Variants in SV2C observed in about 807,000 individuals in gnomAD.
SV2C encodes solute carrier family 22 member B3.
SV2C carries 49 observed loss-of-function variants against 79.7 expected under a neutral mutation model. That is an observed-to-expected ratio of 0.61 (90% CI 0.49 to 0.78). The LOEUF is 0.78. SV2C is among the 30% of genes least tolerant of loss of function. SV2C has a pLI of 0.00. For missense variants in SV2C, 833 were observed against 912.9 expected, an observed-to-expected ratio of 0.91 and a Z score of 1.13; for synonymous variants, 334 against 333.2, an observed-to-expected ratio of 1.00 and a Z score of -0.03.
intron 9 of SV2C, among the ~76,000 whole-genome samples, chr5:76,297,391 T>C (rs1459696004): frequency 2.6e-5 from 4 of 152,188 alleles, no homozygotes; most frequent in African/African-American, 9.7e-5. Context: ...ACAATGGTTA[T>C]TCTGGGCAGA....
the SV2C span, among the ~76,000 whole-genome samples, chr5:76,032,336 C>T: frequency 2.6e-5 from 4 of 151,930 alleles, no homozygotes; most frequent in African/African-American, 7.3e-5. Context: ...CATGCTGGTG[C>T]GCTGCACCCA....
chr5:75,992,600 G>A, the SV2C span, among the ~76,000 whole-genome samples: 1 of 151,934 alleles, frequency 6.6e-6, no homozygotes, highest in Non-Finnish European at 1.5e-5. Context: ...TCAATGATTG[G>A]TCATTGCACA....
intron 12 of SV2C, among the ~76,000 whole-genome samples, chr5:76,339,459 A>T (rs1487534952): frequency 6.6e-6 from 1 of 152,190 alleles, no homozygotes; most frequent in East Asian, 1.9e-4. Context: ...TCACGCCTAT[A>T]ATCCCAGCAC....
intron 12 of SV2C, among the ~76,000 whole-genome samples, chr5:76,342,157 A>G (rs1338879829): frequency 6.6e-6 from 1 of 152,166 alleles, no homozygotes; most frequent in East Asian, 1.9e-4. Flanking sequence ...GTGGTCATGC[A>G]TATACGGGGA....
intron 1 of SV2C, among the ~76,000 whole-genome samples, chr5:76,103,243 C>A (rs2112122725): frequency 6.6e-6 from 1 of 152,140 alleles, no homozygotes; most frequent in East Asian, 1.9e-4. Flanking sequence ...AAATGCAAAG[C>A]AGGGAGAGAG....
intron 4 of SV2C, among the ~76,000 whole-genome samples, chr5:76,246,779 C>T (rs1034597911): frequency 6.6e-6 from 1 of 152,190 alleles, no homozygotes; most frequent in Non-Finnish European, 1.5e-5. Flanking sequence ...TCAGTGTCCC[C>T]ACCTCTGTCA....
At chr5:76,132,505 C>T (rs1748936264) in intron 2 of SV2C, among the ~76,000 whole-genome samples, 175 bp downstream of exon 2, 1 of 152,128 alleles carries the variant, frequency 6.6e-6, no homozygotes, top group Admixed American at 6.5e-5. Flanking sequence ...CAGTGAACAC[C>T]TGTGTATACC....
At chr5:75,959,567 C>T in the SV2C span, among the ~76,000 whole-genome samples, 21 of 151,996 alleles carry the variant, frequency 1.4e-4, no homozygotes, top group Admixed American at 1.4e-3. Context: ...AACACATGCA[C>T]ATGTGTGCAC....
the SV2C span, among the ~76,000 whole-genome samples, chr5:75,942,441 C>T: frequency 6.6e-6 from 1 of 152,154 alleles, no homozygotes. Flanking sequence ...CATGTTAGAC[C>T]ATGAGACAGA....
intron 9 of SV2C, among the ~76,000 whole-genome samples, chr5:76,298,030 A>C (rs920923017): frequency 4.6e-5 from 7 of 152,144 alleles, no homozygotes; most frequent in African/African-American, 1.7e-4. Context: ...GACTCTTCTA[A>C]GATGTTATTA....
chr5:75,974,867 A>G, the SV2C span, among the ~76,000 whole-genome samples: 3 of 152,156 alleles, frequency 2.0e-5, no homozygotes, highest in African/African-American at 7.2e-5. Flanking sequence ...CCTCTGAGGT[A>G]TATGCTATGA....
intron 4 of SV2C, among the ~76,000 whole-genome samples, chr5:76,210,907 A>G (rs1486329512): frequency 1.3e-5 from 2 of 152,186 alleles, no homozygotes; most frequent in Admixed American, 6.5e-5. Context: ...ATAGTGTACT[A>G]TTGCATTTTA....
intron 12 of SV2C, among the ~76,000 whole-genome samples, chr5:76,344,574 T>C (rs1749503914): frequency 6.6e-6 from 1 of 152,146 alleles, no homozygotes; most frequent in South Asian, 2.1e-4. Flanking sequence ...CTGGGCGTGG[T>C]GGTGCACGCC....
chr5:76,141,020 A>G (rs939072928), intron 2 of SV2C, among the ~76,000 whole-genome samples: 3 of 152,232 alleles, frequency 2.0e-5, no homozygotes, highest in African/African-American at 7.2e-5. Context: ...GGAAAAGAAG[A>G]TTCAATAATT....
intron 2 of SV2C, among the ~76,000 whole-genome samples, chr5:76,155,928 C>T (rs1211008739): frequency 9.1e-5 from 11 of 120,560 alleles, no homozygotes; most frequent in Non-Finnish European, 1.8e-4. Context: ...GAAATTTATG[C>T]CCAAGGTTTC....
the SV2C span, among the ~76,000 whole-genome samples, chr5:75,855,257 A>AT: frequency 0.024 from 3,705 of 152,154 alleles, 160 homozygotes; most frequent in African/African-American, 0.082. Flanking sequence ...ACACTTAATG[A>AT]TTTTTTTCCT....
the SV2C span, among the ~76,000 whole-genome samples, chr5:75,961,241 T>C: frequency 5.3e-5 from 8 of 152,138 alleles, no homozygotes; most frequent in East Asian, 1.4e-3. Flanking sequence ...TTTTTGCATA[T>C]GTCTAGGTTT....
the SV2C span, among the ~76,000 whole-genome samples, chr5:75,969,410 T>C: frequency 2.0e-5 from 3 of 152,150 alleles, no homozygotes; most frequent in African/African-American, 4.8e-5. Flanking sequence ...CCCATAAGTG[T>C]GCTGTATTCA....
the SV2C span, among the ~76,000 whole-genome samples, chr5:75,977,509 A>C: frequency 1.3e-5 from 2 of 152,280 alleles, no homozygotes; most frequent in East Asian, 3.9e-4. Context: ...ATCACTATTA[A>C]AAGCCAATTA....
Sources: allele counts gnomAD v4.1 joint callset (sites outside exome capture counted in the v4.1 genomes callset), GRCh38; gene constraint gnomAD v4.1.1; transcripts MANE v1.5; gene names NCBI Gene and HGNC (gene_info 2026-07-23, HGNC 2026-07-21).